RGS13: variants seen among roughly 807,000 people sequenced by gnomAD.
RGS13 encodes the protein regulator of G protein signaling 13.
Under a neutral mutation model 19.9 loss-of-function variants are expected in RGS13, and 14 were observed. The ratio of observed to expected loss-of-function variants is 0.70; its 90% confidence interval spans 0.46 to 1.10. The LOEUF (loss-of-function observed/expected upper bound fraction) is 1.10, where lower values mean the gene tolerates loss of function less well. Ranked by LOEUF, RGS13 falls within the 50% of genes least tolerant of loss-of-function variation. The pLI is 0.00. For synonymous variants in RGS13, 60 were observed against 56.8 expected (o/e 1.06, Z -0.25); for missense variants, 205 against 187.1 (o/e 1.10, Z -0.56).
intron 5 of RGS13, among the ~76,000 whole-genome samples, chr1:192,654,980 G>A (rs1447766203): frequency 2.0e-5 from 3 of 151,992 alleles, no homozygotes; most frequent in African/African-American, 4.8e-5. Flanking sequence ...GCAGTCTTCT[G>A]AGCATAATGT....
At chr1:192,648,096 A>G in intron 5 of RGS13, 109 bp downstream of exon 5, 1 of 610,624 alleles carries the variant, frequency 1.6e-6, no homozygotes, top group Non-Finnish European at 2.7e-6. Context: ...ACAGCCTTCT[A>G]ACTGGCAACT....
Position 192,659,726 on chromosome 1 carries a change from C to A in RGS13, c.*203C>A, listed in dbSNP as rs1663576875. On this transcript the variant is annotated 3_prime_UTR_variant, in exon 7 of 7. Transcript: ENST00000391995. Reference sequence around the variant, plus strand: ...ATAACATGAATAACAAAATGTACAGCAAGCCTATGTAGTTCAATTAATATA... The same window carrying A: ...ATAACATGAATAACAAAATGTACAGAAAGCCTATGTAGTTCAATTAATATA... 1.5e-5 allele frequency: 8 copies of A among 525,966 alleles called. No homozygotes were observed. The highest frequency in any genetic ancestry group is 3.7e-5 in the Admixed American group (1 of 27,138). The allele number at this position is 525,966 out of a possible 1,614,324, so 32.6% of individuals were successfully genotyped here.
At chr1:192,638,300 C>A (rs1223126326) in intron 3 of RGS13, 97 bp downstream of exon 3, 1 of 151,986 alleles carries the variant, frequency 6.6e-6, no homozygotes, top group Non-Finnish European at 1.5e-5. Flanking sequence ...TGGTTAATCT[C>A]CTTTTTCCTT....
intron 5 of RGS13, among the ~76,000 whole-genome samples, chr1:192,654,509 C>T (rs1329103568): frequency 6.6e-6 from 1 of 151,898 alleles, no homozygotes; most frequent in Non-Finnish European, 1.5e-5. Flanking sequence ...AAAACTGAAG[C>T]TTCACTGTAA....
chr1:192,649,711 A>C (rs1236282166), intron 5 of RGS13, among the ~76,000 whole-genome samples: 1 of 152,110 alleles, frequency 6.6e-6, no homozygotes, highest in Non-Finnish European at 1.5e-5. Context: ...CTACTTGTAC[A>C]TCTATGATTC....
chr1:192,659,346 T>G lies in RGS13; in HGVS notation c.303T>G (p.Ile101Met). The change falls in exon 7 of 7, where the codon ATT becomes ATG. Residue 101 changes from isoleucine (I) to methionine (M), a missense_variant. Transcript: ENST00000391995. ...IQPQSPREINIDSSTRETIIR... is the reference protein window; with the variant it reads ...IQPQSPREINMDSSTRETIIR... ...GTAATTTCACTTTTCAGATTAACATTGACAGTTCGACAAGAGAGACTATCA... is the reference window on the plus strand; with the variant it reads ...GTAATTTCACTTTTCAGATTAACATGGACAGTTCGACAAGAGAGACTATCA... 6.2e-7 allele frequency: 1 copy of G among 1,610,334 alleles called. No individual in the cohort carries two copies. Among genetic ancestry groups the G allele is most frequent in the Non-Finnish European group, 8.5e-7 (1 of 1,178,566 alleles).
chr1:192,636,899 A>G (rs1184261970), intron 1 of RGS13, among the ~76,000 whole-genome samples: 1 of 152,026 alleles, frequency 6.6e-6, no homozygotes, highest in Admixed American at 6.6e-5. Context: ...GCTCACTAAA[A>G]TATAAATTGC....
At chr1:192,643,721 T>G (rs6698108) in intron 3 of RGS13, among the ~76,000 whole-genome samples, 72,112 of 152,022 alleles carry the variant, frequency 0.47, 17,330 homozygotes, top group East Asian at 0.71. Flanking sequence ...AAGCTGAGGT[T>G]GGCAGGTTGT....
intron 5 of RGS13, among the ~76,000 whole-genome samples, chr1:192,652,396 G>C (rs982616273): frequency 2.6e-5 from 4 of 152,030 alleles, no homozygotes; most frequent in Non-Finnish European, 4.4e-5. Context: ...GTGATTGGCA[G>C]TTTCCTACAC....
In RGS13 at chr1:192,644,730, C is replaced by A. The variant is rs113233830; in HGVS notation, c.65+331C>A. 2.8e-3 allele frequency: 510 copies of A among 180,714 alleles called. 2 individuals carry two copies. Among genetic ancestry groups the A allele is most frequent in the African/African-American group, 0.011 (463 of 42,492 alleles). The allele number at this position is 180,714 out of a possible 1,614,324, so 11.2% of individuals were successfully genotyped here. On this transcript the variant is annotated intron_variant, in intron 4 of 6. Transcript: ENST00000391995. ...TTTCTTGGTTCCAACCCTCCACATA[C>A]GAAGTGCCAGAAAGCTTCATCCCTA...
intron 5 of RGS13, among the ~76,000 whole-genome samples, chr1:192,654,964 A>G (rs1663408637): frequency 6.6e-6 from 1 of 152,046 alleles, no homozygotes; most frequent in African/African-American, 2.4e-5. Context: ...CTGTTCAAGC[A>G]GAATCGCAGT....
At chr1:192,657,201 C>A (rs548121933) in intron 5 of RGS13, among the ~76,000 whole-genome samples, 1 of 152,090 alleles carries the variant, frequency 6.6e-6, no homozygotes, top group South Asian at 2.1e-4. Context: ...TGTGCCTACA[C>A]AAACATTTCT....
At chr1:192,657,381 G>A (rs905723360) in intron 5 of RGS13, among the ~76,000 whole-genome samples, 2 of 152,074 alleles carry the variant, frequency 1.3e-5, no homozygotes, top group Admixed American at 1.3e-4. Context: ...ATTTGTGAGA[G>A]CTCACCTAAT....
intron 5 of RGS13, among the ~76,000 whole-genome samples, chr1:192,648,508 G>A (rs1224603276): frequency 2.6e-5 from 4 of 152,096 alleles, no homozygotes; most frequent in Non-Finnish European, 5.9e-5. Flanking sequence ...AAAGTCATGG[G>A]CTCAGTGCAG....
At chr1:192,655,299 C>T (rs1223266257) in intron 5 of RGS13, among the ~76,000 whole-genome samples, 4 of 152,084 alleles carry the variant, frequency 2.6e-5, no homozygotes, top group East Asian at 1.9e-4. Context: ...AAATATATAG[C>T]GAAATCCAGT....
chr1:192,637,732 T>C (rs1296210966), intron 2 of RGS13, 72 bp downstream of exon 2: 3 of 152,056 alleles, frequency 2.0e-5, no homozygotes, highest in Non-Finnish European at 4.4e-5. Context: ...GGGAATTCTC[T>C]TTTTGCCAAA....
At chr1:192,646,886 G>A (rs1031460099) in intron 4 of RGS13, 1 of 152,018 alleles carries the variant, frequency 6.6e-6, no homozygotes, top group Non-Finnish European at 1.5e-5. Context: ...ACTTGTATTT[G>A]AGAATACAGT....
At chr1:192,650,149 C>A (rs987538401) in intron 5 of RGS13, among the ~76,000 whole-genome samples, 10 of 152,060 alleles carry the variant, frequency 6.6e-5, no homozygotes, top group Admixed American at 3.9e-4. Flanking sequence ...AATTATTTGG[C>A]AAGGATTTCA....
chr1:192,653,278 A>G (rs1663377042), intron 5 of RGS13, among the ~76,000 whole-genome samples: 1 of 152,134 alleles, frequency 6.6e-6, no homozygotes, highest in Admixed American at 6.6e-5. Flanking sequence ...TTTAAGCATT[A>G]TATTTTAAAA....
Sources: allele counts gnomAD v4.1 joint callset (sites outside exome capture counted in the v4.1 genomes callset), GRCh38; gene constraint gnomAD v4.1.1; transcripts MANE v1.5; gene names NCBI Gene and HGNC (gene_info 2026-07-23, HGNC 2026-07-21).